Variants in ARHGEF28 observed in about 807,000 individuals in gnomAD.
The protein encoded by ARHGEF28 is 190 kDa guanine nucleotide exchange factor.
In ARHGEF28, 152 loss-of-function variants were observed where a neutral mutation model predicts 206.6. The observed-to-expected ratio is 0.74, with a 90% CI of 0.64 to 0.84. The LOEUF is 0.84. ARHGEF28 is among the 40% of genes least tolerant of loss of function. The pLI is 0.00. For missense variants in ARHGEF28, 2,028 were observed against 2,073.2 expected, an observed-to-expected ratio of 0.98 and a Z score of 0.42; for synonymous variants, 763 against 776.4, an observed-to-expected ratio of 0.98 and a Z score of 0.29.
chr5:73,700,560 A>G (rs1748535572), intron 2 of ARHGEF28, among the ~76,000 whole-genome samples: 1 of 152,162 alleles, frequency 6.6e-6, no homozygotes, highest in Non-Finnish European at 1.5e-5. Flanking sequence ...CAGGTGTTCT[A>G]TTGCACAGTT....
intron 9 of ARHGEF28, among the ~76,000 whole-genome samples, chr5:73,822,339 G>A (rs1434194213): frequency 6.6e-6 from 1 of 152,214 alleles, no homozygotes; most frequent in Non-Finnish European, 1.5e-5. Context: ...TAAGTTATGA[G>A]GGTGAATTGG....
chr5:73,737,203 C>T (rs1371562703), intron 2 of ARHGEF28, among the ~76,000 whole-genome samples: 2 of 152,140 alleles, frequency 1.3e-5, no homozygotes, highest in Admixed American at 1.3e-4. Flanking sequence ...TTCTGCCTCC[C>T]TCTCCCCTCC....
At chr5:73,802,896 G>C (rs990861323) in intron 9 of ARHGEF28, among the ~76,000 whole-genome samples, 4 of 151,124 alleles carry the variant, frequency 2.6e-5, no homozygotes, top group East Asian at 1.9e-4. Context: ...GTGTGTGTGT[G>C]TGTGTGTGTG....
intron 7 of ARHGEF28, among the ~76,000 whole-genome samples, chr5:73,793,313 G>A (rs140666610): frequency 1.3e-5 from 2 of 152,236 alleles, no homozygotes; most frequent in Non-Finnish European, 1.5e-5. Flanking sequence ...TCTTTATTAT[G>A]ATTTGTCATG....
intron 9 of ARHGEF28, among the ~76,000 whole-genome samples, chr5:73,806,919 CTA>C (rs1755539277): frequency 6.9e-6 from 1 of 145,954 alleles, no homozygotes; most frequent in African/African-American, 2.5e-5. Context: ...AATATAAAAT[CTA>C]TATACAATAT....
At chr5:73,753,243 T>G in intron 4 of ARHGEF28, 41 bp downstream of exon 4, 1 of 1,505,760 alleles carries the variant, frequency 6.6e-7, no homozygotes, top group South Asian at 1.4e-5. Context: ...CCTCTGTGTG[T>G]CAAGTTCAGA....
intron 30 of ARHGEF28, chr5:73,899,974 G>A (rs1022305175): frequency 2.0e-5 from 3 of 152,308 alleles, no homozygotes; most frequent in Middle Eastern, 3.4e-3. Flanking sequence ...GATGCCTTTG[G>A]CCACTCTTTA....
intron 1 of ARHGEF28, among the ~76,000 whole-genome samples, chr5:73,645,928 C>T (rs1744396993): frequency 6.6e-6 from 1 of 151,982 alleles, no homozygotes; most frequent in South Asian, 2.1e-4. Flanking sequence ...ACATAAATGC[C>T]CACTTGAAAT....
intron 9 of ARHGEF28, among the ~76,000 whole-genome samples, chr5:73,806,732 A>G (rs1343703869): frequency 6.9e-6 from 1 of 145,428 alleles, no homozygotes; most frequent in Non-Finnish European, 1.5e-5. Context: ...TATCGTATAC[A>G]TCTATATGTA....
chr5:73,898,165 A>C, intron 30 of ARHGEF28, 72 bp downstream of exon 30: 1 of 1,544,170 alleles, frequency 6.5e-7, no homozygotes, highest in Non-Finnish European at 8.8e-7. Context: ...CACGTAAAGT[A>C]AAGGCAATGA....
At chr5:73,932,138 A>G (rs1378764326) in intron 35 of ARHGEF28, among the ~76,000 whole-genome samples, 1 of 152,226 alleles carries the variant, frequency 6.6e-6, no homozygotes, top group Admixed American at 6.5e-5. Flanking sequence ...TGGCCCAAGT[A>G]TTATGTTGGA....
chr5:73,903,259 G>C (rs1375524581), intron 31 of ARHGEF28: 1 of 152,174 alleles, frequency 6.6e-6, no homozygotes, highest in Admixed American at 6.5e-5. Flanking sequence ...CTTGAGGACA[G>C]GGCATCTGAT....
At chr5:73,922,991 A>G in intron 35 of ARHGEF28, 1 of 1,171,772 alleles carries the variant, frequency 8.5e-7, no homozygotes, top group Non-Finnish European at 1.2e-6. Flanking sequence ...TTTCATTGGC[A>G]TGGAAATTGG....
At chr5:73,716,807 A>T (rs527263098) in intron 2 of ARHGEF28, among the ~76,000 whole-genome samples, 9 of 152,332 alleles carry the variant, frequency 5.9e-5, no homozygotes, top group Middle Eastern at 6.8e-3. Flanking sequence ...AATTTTATTT[A>T]AAAATATTTA....
intron 35 of ARHGEF28, among the ~76,000 whole-genome samples, chr5:73,919,434 C>T (rs1008521733): frequency 6.6e-6 from 1 of 152,144 alleles, no homozygotes; most frequent in African/African-American, 2.4e-5. Flanking sequence ...CCTTTTGTTC[C>T]TCTGTCTACT....
intron 26 of ARHGEF28, among the ~76,000 whole-genome samples, chr5:73,891,629 A>G (rs1216516399): frequency 6.6e-6 from 1 of 151,700 alleles, no homozygotes; most frequent in African/African-American, 2.4e-5. Context: ...GGTTCAAGCA[A>G]TTCTCATGCC....
chr5:73,782,481 G>T (rs1753907776), intron 7 of ARHGEF28, among the ~76,000 whole-genome samples: 1 of 152,034 alleles, frequency 6.6e-6, no homozygotes, highest in African/African-American at 2.4e-5. Flanking sequence ...AAAAAAACTA[G>T]TGTTAGAGAA....
intron 33 of ARHGEF28, chr5:73,908,428 A>G (rs1399931961): frequency 1.3e-5 from 2 of 152,240 alleles, no homozygotes; most frequent in Non-Finnish European, 2.9e-5. Context: ...ATGATTTCTC[A>G]TATGGGGTCA....
intron 14 of ARHGEF28, among the ~76,000 whole-genome samples, chr5:73,856,326 C>A (rs995727019): frequency 6.6e-6 from 1 of 152,202 alleles, no homozygotes; most frequent in Non-Finnish European, 1.5e-5. Context: ...ATTCTATTCA[C>A]TTCCTTTTCC....
Sources: gnomAD v4.1 joint callset for allele counts (sites outside exome capture counted in the v4.1 genomes callset) on GRCh38, gnomAD v4.1.1 for gene constraint, MANE v1.5 for transcripts, NCBI Gene and HGNC (gene_info 2026-07-23, HGNC 2026-07-21) for gene names.